The following SAMD12 variants were observed in gnomAD, a reference collection of about 807,000 sequenced individuals.
SAMD12 encodes the protein sterile alpha motif domain containing 12, also known as sterile alpha motif domain-containing protein 12.
In SAMD12, 9 loss-of-function variants were observed where a neutral mutation model predicts 15.0. The ratio of observed to expected loss-of-function variants is 0.60; its 90% confidence interval spans 0.36 to 1.05. The LOEUF (loss-of-function observed/expected upper bound fraction) is 1.05. Among genes scored for constraint, SAMD12 ranks in the 50% least tolerant of loss-of-function variants. The pLI is 0.01. For synonymous variants in SAMD12, 86 were observed against 90.1 expected (o/e 0.96, Z 0.25); for missense variants, 230 against 234.2 (o/e 0.98, Z 0.12).
chr8:118,565,235 T>C (rs1224398647), intron 2 of SAMD12, among the ~76,000 whole-genome samples: 1 of 152,190 alleles, frequency 6.6e-6, no homozygotes, highest in Non-Finnish European at 1.5e-5. Context: ...CGAAATGCAT[T>C]GGACTCCTTT....
At chr8:118,240,664 T>C (rs1211647799) in intron 4 of SAMD12, among the ~76,000 whole-genome samples, 1 of 152,180 alleles carries the variant, frequency 6.6e-6, no homozygotes, top group African/African-American at 2.4e-5. Context: ...TTATTGTTAT[T>C]ATAATCTTTT....
At chr8:118,457,634 G>A (rs963320636) in intron 2 of SAMD12, among the ~76,000 whole-genome samples, 1 of 152,164 alleles carries the variant, frequency 6.6e-6, no homozygotes, top group Non-Finnish European at 1.5e-5. Flanking sequence ...GCAAAAATGT[G>A]TAGGATTTGA....
In SAMD12 at chr8:118,434,405, C is replaced by A. The variant is rs1398662993; in HGVS notation, c.322+5427G>T. On this transcript the variant is annotated intron_variant, in intron 3 of 3. Transcript: ENST00000314727. Reference sequence around the variant, plus strand: ...AAGTAGACCAAGGAAACCCTTTATACATTCAAAGCAGCTTTTAAAAAATAT... The same window carrying A: ...AAGTAGACCAAGGAAACCCTTTATAAATTCAAAGCAGCTTTTAAAAAATAT... 2.6e-5 allele frequency among the ~76,000 whole-genome samples: 4 copies of A among 152,308 alleles called. No homozygotes were observed. In the South Asian group the frequency reaches 8.3e-4, roughly 32 times the overall value.
At chr8:118,577,765 G>A (rs961437155) in intron 2 of SAMD12, among the ~76,000 whole-genome samples, 7 of 152,174 alleles carry the variant, frequency 4.6e-5, no homozygotes, top group African/African-American at 4.8e-5. Flanking sequence ...CAAGGCACAC[G>A]TGGCCAAAAG....
rs529740807 is a variant in SAMD12 at position 118,614,626 on chromosome 8, G to A, written c.13+7178C>T. Among the ~76,000 whole-genome samples the A allele has an allele frequency of 7.2e-5, 11 of 152,280 alleles. No homozygotes were observed. In the East Asian group the frequency reaches 1.9e-3, roughly 27 times the overall value. On this transcript the variant is annotated intron_variant, in intron 1 of 3. Coordinates refer to ENST00000314727, the MANE Select transcript of SAMD12 (RefSeq NM_207506.3). The stretch of plus-strand genomic sequence containing the variant: ...AATCACTTGAGAGTCAGGATTTGCC[G>A]AATAGAACACAAATACCTTCTGCGG...
chr8:118,510,254 GCA>G (rs144640699), intron 2 of SAMD12, among the ~76,000 whole-genome samples: 4 of 150,130 alleles, frequency 2.7e-5, no homozygotes, highest in East Asian at 1.9e-4. Context: ...ACACATGCAT[GCA>G]CACACACACA....
chr8:118,255,545 C>T (rs1225349374), intron 4 of SAMD12, among the ~76,000 whole-genome samples: 13 of 132,578 alleles, frequency 9.8e-5, no homozygotes, highest in Non-Finnish European at 1.4e-4. Context: ...TGATGTTCCC[C>T]TTCCTGTGTC....
At chr8:118,515,258 C>T (rs778488511) in intron 2 of SAMD12, among the ~76,000 whole-genome samples, 6 of 139,520 alleles carry the variant, frequency 4.3e-5, no homozygotes, top group Admixed American at 8.0e-5. Flanking sequence ...TGGTCTCGAT[C>T]TCCTGATCTC....
intron 4 of SAMD12, among the ~76,000 whole-genome samples, chr8:118,300,878 G>A (rs560260390): frequency 2.6e-5 from 4 of 152,162 alleles, no homozygotes; most frequent in Admixed American, 6.5e-5. Flanking sequence ...TTAAACCTTC[G>A]ATTTCTACAA....
the SAMD12 span, among the ~76,000 whole-genome samples, chr8:118,145,092 A>G: frequency 6.6e-6 from 1 of 152,272 alleles, no homozygotes; most frequent in African/African-American, 2.4e-5. Flanking sequence ...CTATAAAACA[A>G]CATTTAGATG....
At chr8:118,418,210 C>T (rs772283621) in intron 3 of SAMD12, among the ~76,000 whole-genome samples, 9 of 152,166 alleles carry the variant, frequency 5.9e-5, no homozygotes, top group Admixed American at 2.6e-4. Flanking sequence ...ATTATACTAT[C>T]GATTACCTTC....
intron 2 of SAMD12, among the ~76,000 whole-genome samples, chr8:118,481,752 G>T (rs1016201623): frequency 2.6e-5 from 4 of 151,538 alleles, no homozygotes; most frequent in African/African-American, 9.7e-5. Context: ...AAAAAAAATA[G>T]CAGGGGCACA....
the SAMD12 span, among the ~76,000 whole-genome samples, chr8:118,175,034 CAA>C: frequency 0.017 from 1,351 of 78,820 alleles, 26 homozygotes; most frequent in African/African-American, 0.048. Flanking sequence ...CAAAAAAAAA[CAA>C]AAAAAAAAAA....
At chr8:118,595,836 A>T (rs1350537027) in intron 1 of SAMD12, among the ~76,000 whole-genome samples, 1 of 152,112 alleles carries the variant, frequency 6.6e-6, no homozygotes, top group Non-Finnish European at 1.5e-5. Flanking sequence ...GAAGTACATT[A>T]TTTTTTTACA....
At chr8:118,206,582 G>A (rs1819868595) in intron 4 of SAMD12, among the ~76,000 whole-genome samples, 1 of 152,132 alleles carries the variant, frequency 6.6e-6, no homozygotes. Flanking sequence ...GGGCTTCAGG[G>A]GTTGAAGAGT....
At chr8:118,586,132 T>C (rs1237739765) in intron 1 of SAMD12, among the ~76,000 whole-genome samples, 1 of 152,154 alleles carries the variant, frequency 6.6e-6, no homozygotes, top group African/African-American at 2.4e-5. Flanking sequence ...AACCCCCACA[T>C]AGAAACTGCA....
At chr8:118,578,327 T>A (rs985307254) in intron 2 of SAMD12, among the ~76,000 whole-genome samples, 1 of 152,204 alleles carries the variant, frequency 6.6e-6, no homozygotes, top group Admixed American at 6.5e-5. Flanking sequence ...GTAGCCATCT[T>A]TGCACATATG....
intron 2 of SAMD12, among the ~76,000 whole-genome samples, chr8:118,449,274 G>A (rs1823005787): frequency 6.6e-6 from 1 of 151,756 alleles, no homozygotes; most frequent in African/African-American, 2.4e-5. Context: ...TGTTGGCTAG[G>A]CTGGTCTCGA....
intron 4 of SAMD12, among the ~76,000 whole-genome samples, chr8:118,333,197 C>T (rs975404489): frequency 6.6e-6 from 1 of 152,226 alleles, no homozygotes; most frequent in Non-Finnish European, 1.5e-5. Flanking sequence ...AAGCCAGTGT[C>T]TGCCAGAGGC....
Sources: allele counts gnomAD v4.1 joint callset (sites outside exome capture counted in the v4.1 genomes callset), GRCh38; gene constraint gnomAD v4.1.1; transcripts MANE v1.5; gene names NCBI Gene and HGNC (gene_info 2026-07-23, HGNC 2026-07-21).